CHSY3: variants seen among roughly 807,000 people sequenced by gnomAD.
CHSY3 encodes chondroitin sulfate synthase 3.
Under a neutral mutation model 67.2 loss-of-function variants are expected in CHSY3, and 35 were observed. The observed-to-expected ratio is 0.52, with a 90% confidence interval of 0.40 to 0.69. The LOEUF is 0.69. Ranked by LOEUF, CHSY3 falls within the 30% of genes least tolerant of loss-of-function variation. CHSY3 has a pLI of 0.00. For missense variants in CHSY3, 1,069 were observed against 1,138.5 expected (o/e 0.94, Z 0.88); for synonymous variants, 474 against 434.7 (o/e 1.09, Z -1.12).
Position 129,947,198 on chromosome 5 carries a change from C to T in CHSY3, c.1086+38838C>T, listed in dbSNP as rs142434198. On this transcript the variant is annotated intron_variant, in intron 2 of 2. Transcript: ENST00000305031. ...GTGCCCAGTGATAGGGGGAAAAGCC[C>T]ATTATAAAGCCATCAGATCTCATAA... Among the ~76,000 whole-genome samples, 5 of 152,198 alleles carry T rather than the reference C, an allele frequency of 3.3e-5. No individual in the cohort carries two copies. The East Asian group carries it at 7.7e-4, about 24-fold the overall frequency.
chr5:130,157,273 G>T (rs564965340), intron 2 of CHSY3, among the ~76,000 whole-genome samples: 1 of 152,276 alleles, frequency 6.6e-6, no homozygotes, highest in African/African-American at 2.4e-5. Flanking sequence ...GCCAAATCTG[G>T]TGCTCAGATA....
chr5:129,922,896 A>C (rs1403515821), intron 2 of CHSY3, among the ~76,000 whole-genome samples: 1 of 152,192 alleles, frequency 6.6e-6, no homozygotes, highest in East Asian at 1.9e-4. Flanking sequence ...AGTATTGTTG[A>C]AAATCTTTCT....
chr5:130,058,447 G>T (rs1765604239), intron 2 of CHSY3, among the ~76,000 whole-genome samples: 1 of 152,122 alleles, frequency 6.6e-6, no homozygotes. Context: ...GGCTAACATG[G>T]TAAAACCCCA....
At chr5:130,149,558 A>T (rs916595149) in intron 2 of CHSY3, among the ~76,000 whole-genome samples, 5 of 152,150 alleles carry the variant, frequency 3.3e-5, no homozygotes, top group African/African-American at 1.2e-4. Context: ...CATGATCCAA[A>T]CACCTCCCAC....
rs192519293 is a variant in CHSY3, at chr5:130,166,995, G to T, written c.1087-17234G>T. 1.1e-4 allele frequency among the ~76,000 whole-genome samples: 17 copies of T among 152,172 alleles called. 1 individual carries two copies. The East Asian group carries it at 3.1e-3, about 28-fold the overall frequency. Reference sequence around the variant, plus strand: ...AATTACTAAAGGTGGAGGTAAACAGGCCAGGAAGACTTATTCAAGACTACT... The same window carrying T: ...AATTACTAAAGGTGGAGGTAAACAGTCCAGGAAGACTTATTCAAGACTACT... On this transcript the variant is annotated intron_variant, in intron 2 of 2. Coordinates refer to ENST00000305031, the MANE Select transcript of CHSY3 (RefSeq NM_175856.5).
At chr5:130,064,524 T>G (rs1414772275) in intron 2 of CHSY3, among the ~76,000 whole-genome samples, 1 of 152,198 alleles carries the variant, frequency 6.6e-6, no homozygotes, top group Non-Finnish European at 1.5e-5. Flanking sequence ...CAAACCTACT[T>G]CTATGGCGCA....
chr5:129,919,101 G>A (rs1344314267), intron 2 of CHSY3, among the ~76,000 whole-genome samples: 5 of 92,174 alleles, frequency 5.4e-5, no homozygotes, highest in Non-Finnish European at 7.6e-5. Context: ...GCGACAGAGC[G>A]AGACTCCGTC....
chr5:130,116,727 G>T (rs373538180), intron 2 of CHSY3, among the ~76,000 whole-genome samples: 2 of 152,184 alleles, frequency 1.3e-5, no homozygotes, highest in African/African-American at 4.8e-5. Context: ...ACAGAAATGC[G>T]GACCTGAAGG....
chr5:129,950,762 A>G lies in CHSY3; in HGVS notation c.1086+42402A>G, dbSNP rs560479231. On this transcript the variant is annotated intron_variant, in intron 2 of 2. Coordinates refer to ENST00000305031, the MANE Select transcript of CHSY3 (RefSeq NM_175856.5). ...AAATATTGATGAAAGAAATTAAGAC[A>G]CAAAGAAATGGAAAGGCATCCTGTG... is the stretch of plus-strand genomic sequence containing the variant. Among the ~76,000 whole-genome samples, 31 of 152,336 alleles carry G rather than the reference A, an allele frequency of 2.0e-4. No individual in the cohort carries two copies. The South Asian group carries it at 5.2e-3, about 25-fold the overall frequency.
rs1223966105 is a variant in CHSY3, at chr5:130,143,734, G to GTGTGTGTATATATATA, written c.1087-40494_1087-40493insGTGTGTATATATATAT. On this transcript the variant is annotated intron_variant, in intron 2 of 2. Coordinates refer to ENST00000305031, the MANE Select transcript of CHSY3 (RefSeq NM_175856.5). The stretch of plus-strand genomic sequence containing the variant: ...TATATATATATATGTGTGTGTGTGT[G>GTGTGTGTATATATATA]TATATATATATATATATATATATGT... Among the ~76,000 whole-genome samples, 118 of 94,654 alleles carry GTGTGTGTATATATATA rather than the reference G, an allele frequency of 1.2e-3. 1 individual carries two copies. Among genetic ancestry groups the GTGTGTGTATATATATA allele is most frequent in the Non-Finnish European group, 1.3e-3 (65 of 50,280 alleles). The allele number at this position is 94,654 out of a possible 152,430, so 62.1% of individuals were successfully genotyped here.
In CHSY3 at chr5:129,904,602, C is replaced by G. The variant is rs1029151552; in HGVS notation, c.-228C>G. 1.2e-4 allele frequency: 79 copies of G among 643,184 alleles called. No individual in the cohort carries two copies. Among genetic ancestry groups the G allele is most frequent in the Non-Finnish European group, 1.4e-4 (65 of 463,582 alleles). 39.8% of individuals were successfully genotyped at this position (643,184 alleles called of 1,614,324 possible). On this transcript the variant is annotated 5_prime_UTR_variant, in exon 1 of 3. Coordinates refer to ENST00000305031, the MANE Select transcript of CHSY3 (RefSeq NM_175856.5). ...GCCGGGAGAAGTTTCACTCCCGACC[C>G]TTGCTCGGAGCCCCGGCCCAGAGCT...
In CHSY3 at chr5:130,176,143, C is replaced by T. The variant is rs530028243; in HGVS notation, c.1087-8086C>T. 1.7e-4 allele frequency among the ~76,000 whole-genome samples: 26 copies of T among 151,946 alleles called. No homozygotes were observed. The South Asian group carries it at 5.2e-3, about 30-fold the overall frequency. On this transcript the variant is annotated intron_variant, in intron 2 of 2. Coordinates refer to ENST00000305031, the MANE Select transcript of CHSY3 (RefSeq NM_175856.5). ...TATCCAGAATCCATAGGAACTTAAACAAATTTACAAGAAAAAAACAAGCAC... is the reference window on the plus strand; with the variant it reads ...TATCCAGAATCCATAGGAACTTAAATAAATTTACAAGAAAAAAACAAGCAC...
intron 2 of CHSY3, among the ~76,000 whole-genome samples, chr5:130,091,983 C>G (rs1244093066): frequency 6.6e-6 from 1 of 152,132 alleles, no homozygotes; most frequent in Non-Finnish European, 1.5e-5. Flanking sequence ...GAGAGACAAT[C>G]CCTCTCACTT....
rs149801862 is a variant in CHSY3 at position 130,013,539 on chromosome 5, A to G, written c.1086+105179A>G. Among the ~76,000 whole-genome samples the G allele has an allele frequency of 2.0e-3, 303 of 152,210 alleles. 1 individual carries two copies. The highest frequency in any genetic ancestry group is 6.1e-3 in the African/African-American group (255 of 41,536). On this transcript the variant is annotated intron_variant, in intron 2 of 2. Coordinates refer to ENST00000305031, the MANE Select transcript of CHSY3 (RefSeq NM_175856.5). The stretch of plus-strand genomic sequence containing the variant: ...TGACTTCTTTGTACCCTCAGACCCA[A>G]CACCACGTGGAGGCTGCCAAGGCTT...
rs192032069 is a variant in CHSY3 at position 130,134,719 on chromosome 5, C to T, written c.1087-49510C>T. ...TTTGTTTTGTGTTTGCATCATTTTT[C>T]TACACACAAAGTGTTTAGATGGCAA... On this transcript the variant is annotated intron_variant, in intron 2 of 2. Transcript: ENST00000305031. Among the ~76,000 whole-genome samples the T allele has an allele frequency of 5.1e-4, 78 of 152,136 alleles. 2 individuals are homozygous for T. The East Asian group carries it at 0.012, about 24-fold the overall frequency.
chr5:130,054,601 C>G (rs900981154), intron 2 of CHSY3, among the ~76,000 whole-genome samples: 12 of 152,254 alleles, frequency 7.9e-5, no homozygotes, highest in African/African-American at 2.9e-4. Flanking sequence ...ATTTCTGTGC[C>G]TCAGTTTCCT....
intron 2 of CHSY3, among the ~76,000 whole-genome samples, chr5:129,915,635 A>G (rs544276563): frequency 6.6e-6 from 1 of 152,200 alleles, no homozygotes; most frequent in East Asian, 1.9e-4. Flanking sequence ...TATCTCTTTC[A>G]GTTTCATTAT....
intron 2 of CHSY3, among the ~76,000 whole-genome samples, chr5:129,919,681 C>G (rs1350255054): frequency 1.3e-5 from 2 of 152,160 alleles, no homozygotes; most frequent in Admixed American, 1.3e-4. Flanking sequence ...CCCCGGGTCC[C>G]TTCCACAACA....
chr5:129,987,700 G>A (rs959401032), intron 2 of CHSY3, among the ~76,000 whole-genome samples: 2 of 152,098 alleles, frequency 1.3e-5, no homozygotes, highest in Admixed American at 1.3e-4. Flanking sequence ...GCTCATATGT[G>A]TAACATGGCA....
Sources: gnomAD v4.1 joint callset for allele counts (sites outside exome capture counted in the v4.1 genomes callset) on GRCh38, gnomAD v4.1.1 for gene constraint, MANE v1.5 for transcripts, NCBI Gene and HGNC (gene_info 2026-07-23, HGNC 2026-07-21) for gene names.